ARHGAP6: variants seen among roughly 807,000 people sequenced by gnomAD.
The protein encoded by ARHGAP6 is rho GTPase-activating protein 6.
A neutral mutation model predicts 55.7 loss-of-function variants in ARHGAP6; 16 were observed. The observed-to-expected ratio is 0.29, with a 90% CI of 0.19 to 0.44. The LOEUF (loss-of-function observed/expected upper bound fraction) is 0.44. ARHGAP6 is among the 20% of genes least tolerant of loss of function. ARHGAP6 has a pLI of 1.00. For missense variants in ARHGAP6, 698 were observed against 808.9 expected (o/e 0.86, Z 1.66); for synonymous variants, 382 against 360.9 (o/e 1.06, Z -0.66).
rs779213577 is a variant in ARHGAP6 at position 11,567,889 on chromosome X, G to A, written c.588+96352C>T. 7.2e-5 allele frequency among the ~76,000 whole-genome samples: 8 copies of A among 110,584 alleles called. No individual in the cohort carries two copies. In the South Asian group the frequency reaches 2.7e-3, roughly 38 times the overall value. ...TACAGGATCTAGCCATGTTGCCCAC[G>A]CTGGTCTCGAGCTCCTGGGCCCAAG... On this transcript the variant is annotated intron_variant, in intron 1 of 12. Transcript: ENST00000337414.
chrX:11,440,262 G>A (rs1384193129), intron 1 of ARHGAP6, among the ~76,000 whole-genome samples: 1 of 111,954 alleles, frequency 8.9e-6, no homozygotes, highest in Non-Finnish European at 1.9e-5. Context: ...TCTATGTCAC[G>A]TCATACTATA....
rs751766080 is a variant in ARHGAP6, at chrX:11,332,444, C to T, written c.589-77737G>A. 2.7e-5 allele frequency among the ~76,000 whole-genome samples: 3 copies of T among 111,637 alleles called. No individual in the cohort carries two copies. In the Admixed American group the frequency reaches 2.9e-4, roughly 11 times the overall value. ...CATTCCCTTATCCACAGTGCAGGGCCACAGGGTACAGACAGCAGAAAGTCA... is the reference window on the plus strand; with the variant it reads ...CATTCCCTTATCCACAGTGCAGGGCTACAGGGTACAGACAGCAGAAAGTCA... On this transcript the variant is annotated intron_variant, in intron 1 of 12. Coordinates refer to ENST00000337414, the MANE Select transcript of ARHGAP6 (RefSeq NM_013427.3).
chrX:11,315,537 G>C (rs2048350691), intron 1 of ARHGAP6, among the ~76,000 whole-genome samples: 1 of 111,869 alleles, frequency 8.9e-6, no homozygotes, highest in Admixed American at 9.4e-5. Flanking sequence ...TGGATGTTAA[G>C]AAAATTAATA....
chrX:11,598,794 C>T lies in ARHGAP6; in HGVS notation c.588+65447G>A, dbSNP rs942267592. Among the ~76,000 whole-genome samples the T allele has an allele frequency of 5.4e-5, 6 of 111,665 alleles. No individual in the cohort carries two copies. In the East Asian group the frequency reaches 1.4e-3, roughly 26 times the overall value. On this transcript the variant is annotated intron_variant, in intron 1 of 12. Transcript: ENST00000337414. ...AGCCATGGCCAGGCATGGTGGCTCG[C>T]GCCTGTAATCCCAGCACTCTGGGAG... is the stretch of plus-strand genomic sequence containing the variant.
intron 1 of ARHGAP6, among the ~76,000 whole-genome samples, chrX:11,372,645 G>A (rs765444694): frequency 5.4e-4 from 58 of 107,917 alleles, no homozygotes; most frequent in South Asian, 8.3e-4. Flanking sequence ...GGTGGCACGC[G>A]CCTGTAGTCC....
chrX:11,157,035 C>G (rs1322625220), intron 9 of ARHGAP6, among the ~76,000 whole-genome samples: 1 of 112,326 alleles, frequency 8.9e-6, no homozygotes, highest in Non-Finnish European at 1.9e-5. Flanking sequence ...GAAATGATGA[C>G]TGTATTGGGC....
chrX:11,476,444 C>G lies in ARHGAP6; in HGVS notation c.588+187797G>C, dbSNP rs752551002. On this transcript the variant is annotated intron_variant, in intron 1 of 12. Transcript: ENST00000337414. The stretch of plus-strand genomic sequence containing the variant: ...TTTCAGTGTAATCTCAATCAAAATC[C>G]CATCATCAGTTCTTGCAGACATTAT... Among the ~76,000 whole-genome samples the G allele has an allele frequency of 1.3e-3, 147 of 111,285 alleles. 1 individual carries two copies. Among genetic ancestry groups the G allele is most frequent in the African/African-American group, 4.5e-3 (140 of 30,782 alleles).
At chrX:11,337,833 G>A (rs1408055054) in intron 1 of ARHGAP6, among the ~76,000 whole-genome samples, 1 of 112,325 alleles carries the variant, frequency 8.9e-6, no homozygotes, top group East Asian at 2.8e-4. Flanking sequence ...GGTTTATTTT[G>A]GTTCAAAGTT....
intron 1 of ARHGAP6, among the ~76,000 whole-genome samples, chrX:11,537,362 A>G (rs1006869474): frequency 8.9e-6 from 1 of 111,885 alleles, no homozygotes; most frequent in African/African-American, 3.3e-5. Flanking sequence ...ACATTCTACA[A>G]TGCACAGGAC....
intron 2 of ARHGAP6, among the ~76,000 whole-genome samples, chrX:11,217,393 T>C (rs2046897929): frequency 1.8e-5 from 2 of 112,172 alleles, no homozygotes; most frequent in African/African-American, 6.5e-5. Flanking sequence ...CCTGACTTTT[T>C]AATGATCAGT....
intron 1 of ARHGAP6, among the ~76,000 whole-genome samples, chrX:11,350,592 G>A (rs1474143285): frequency 8.9e-6 from 1 of 112,280 alleles, no homozygotes; most frequent in African/African-American, 3.2e-5. Flanking sequence ...ATACATTTTA[G>A]TTGATTTACA....
chrX:11,333,406 A>G (rs2048587145), intron 1 of ARHGAP6, among the ~76,000 whole-genome samples: 1 of 111,713 alleles, frequency 9.0e-6, no homozygotes, highest in Non-Finnish European at 1.9e-5. Flanking sequence ...GGACTTGTTT[A>G]CTTCCCCTTC....
At chrX:11,142,426 T>C (rs969195114) in intron 11 of ARHGAP6, 113 bp from the exon 12 acceptor site, 8 of 433,356 alleles carry the variant, frequency 1.8e-5, no homozygotes, top group Non-Finnish European at 1.5e-5. Context: ...TCCTGTTGTA[T>C]ACAAAACAGA....
intron 1 of ARHGAP6, among the ~76,000 whole-genome samples, chrX:11,606,583 A>G (rs770922660): frequency 2.0e-4 from 22 of 111,322 alleles, no homozygotes; most frequent in Non-Finnish European, 3.6e-4. Flanking sequence ...TAAAGTGAAA[A>G]TGAAATCAAT....
chrX:11,328,024 A>G (rs1001594336), intron 1 of ARHGAP6, among the ~76,000 whole-genome samples: 1 of 112,430 alleles, frequency 8.9e-6, no homozygotes, highest in African/African-American at 3.2e-5. Flanking sequence ...TGCTTCTCTG[A>G]CATGCATTAA....
intron 1 of ARHGAP6, among the ~76,000 whole-genome samples, chrX:11,259,167 G>A (rs945611160): frequency 1.1e-4 from 12 of 110,764 alleles, no homozygotes; most frequent in African/African-American, 3.3e-4. Flanking sequence ...TGTGGTAACC[G>A]TCCTTCTACT....
At chrX:11,640,649 A>G (rs1393802207) in intron 1 of ARHGAP6, among the ~76,000 whole-genome samples, 1 of 111,304 alleles carries the variant, frequency 9.0e-6, no homozygotes, top group Non-Finnish European at 1.9e-5. Flanking sequence ...TTTCATACCC[A>G]TCTTCCTTGG....
intron 1 of ARHGAP6, among the ~76,000 whole-genome samples, chrX:11,565,098 C>T (rs777877076): frequency 1.8e-5 from 2 of 112,059 alleles, no homozygotes; most frequent in Non-Finnish European, 3.8e-5. Context: ...AGTAAGGATA[C>T]GGTTAGGGAG....
intron 1 of ARHGAP6, among the ~76,000 whole-genome samples, chrX:11,404,804 T>C (rs760449180): frequency 8.9e-6 from 1 of 112,304 alleles, no homozygotes; most frequent in East Asian, 2.8e-4. Context: ...TAATTCTAGA[T>C]AAGCACACAT....
Sources: gnomAD v4.1 joint callset for allele counts (sites outside exome capture counted in the v4.1 genomes callset) on GRCh38, gnomAD v4.1.1 for gene constraint, MANE v1.5 for transcripts, NCBI Gene and HGNC (gene_info 2026-07-23, HGNC 2026-07-21) for gene names.